ZNF385B: variants seen among roughly 807,000 people sequenced by gnomAD.
ZNF385B encodes zinc finger protein 533.
In ZNF385B, 23 loss-of-function variants were observed where a neutral mutation model predicts 39.2. The observed-to-expected ratio is 0.59, with a 90% CI of 0.42 to 0.83. The LOEUF is 0.83. Among genes scored for constraint, ZNF385B ranks in the 40% least tolerant of loss-of-function variants. The pLI is 0.00. For missense variants in ZNF385B, 552 were observed against 598.9 expected, an observed-to-expected ratio of 0.92 and a Z score of 0.82; for synonymous variants, 205 against 222.6, an observed-to-expected ratio of 0.92 and a Z score of 0.70.
rs116800093 is a variant in ZNF385B at position 179,766,245 on chromosome 2, C to T, written c.298+3258G>A. 3.4e-3 allele frequency among the ~76,000 whole-genome samples: 518 copies of T among 152,176 alleles called. 7 individuals carry two copies. The highest frequency in any genetic ancestry group is 0.012 in the African/African-American group (500 of 41,520). On this transcript the variant is annotated intron_variant, in intron 3 of 9. Coordinates refer to ENST00000410066, the MANE Select transcript of ZNF385B (RefSeq NM_152520.6). ...ATCACCCTGTGGACCCAATTCCCAT[C>T]GATGCCAACTCCAACACTACAAAAC...
At chr2:179,772,408 A>C (rs554244977) in intron 1 of ZNF385B, among the ~76,000 whole-genome samples, 3 of 152,166 alleles carry the variant, frequency 2.0e-5, no homozygotes, top group Non-Finnish European at 4.4e-5. Flanking sequence ...TGGGGTATGC[A>C]TTCTGTTCAC....
intron 1 of ZNF385B, among the ~76,000 whole-genome samples, chr2:179,823,553 G>A (rs549511409): frequency 3.0e-4 from 45 of 151,878 alleles, no homozygotes; most frequent in African/African-American, 9.7e-4. Context: ...GTATTACTTT[G>A]TTTCAGGATT....
At chr2:179,728,880 T>A (rs1173495427) in intron 3 of ZNF385B, among the ~76,000 whole-genome samples, 2 of 152,044 alleles carry the variant, frequency 1.3e-5, no homozygotes, top group African/African-American at 4.8e-5. Context: ...GTCAGGAAAC[T>A]ATTGAAAATT....
At chr2:179,461,159 T>G (rs918939815) in intron 6 of ZNF385B, among the ~76,000 whole-genome samples, 1 of 152,034 alleles carries the variant, frequency 6.6e-6, no homozygotes, top group South Asian at 2.1e-4. Context: ...GGTGGAGGAG[T>G]TGGAGGCACC....
At chr2:179,648,623 G>A (rs1227654370) in intron 3 of ZNF385B, among the ~76,000 whole-genome samples, 1 of 152,140 alleles carries the variant, frequency 6.6e-6, no homozygotes, top group Non-Finnish European at 1.5e-5. Flanking sequence ...ACTTCTTAGA[G>A]AAAGGCTGAC....
intron 3 of ZNF385B, among the ~76,000 whole-genome samples, chr2:179,612,229 A>G (rs1689348372): frequency 6.6e-6 from 1 of 152,066 alleles, no homozygotes; most frequent in South Asian, 2.1e-4. Context: ...TTGATGCCTT[A>G]TTTAGTTTGT....
intron 3 of ZNF385B, among the ~76,000 whole-genome samples, chr2:179,738,505 G>T (rs770252938): frequency 6.6e-6 from 1 of 152,034 alleles, no homozygotes; most frequent in Non-Finnish European, 1.5e-5. Context: ...ATCATATCAC[G>T]CTTTTGACTC....
At chr2:179,614,135 C>G (rs942518809) in intron 3 of ZNF385B, among the ~76,000 whole-genome samples, 3 of 152,212 alleles carry the variant, frequency 2.0e-5, no homozygotes, top group African/African-American at 7.2e-5. Flanking sequence ...CTTTCCTACC[C>G]TCTTCAGTGC....
chr2:179,621,089 A>C (rs1441806291), intron 3 of ZNF385B, among the ~76,000 whole-genome samples: 1 of 152,150 alleles, frequency 6.6e-6, no homozygotes, highest in Non-Finnish European at 1.5e-5. Flanking sequence ...ATACTTCATA[A>C]TATATCAGGG....
chr2:179,755,583 C>A (rs796130820), intron 3 of ZNF385B, among the ~76,000 whole-genome samples: 2 of 152,110 alleles, frequency 1.3e-5, no homozygotes, highest in South Asian at 4.1e-4. Context: ...CTTTGTAGGT[C>A]TCTAAGGACT....
intron 1 of ZNF385B, chr2:179,802,571 G>T (rs1415036369): frequency 6.6e-6 from 1 of 152,042 alleles, no homozygotes; most frequent in South Asian, 2.1e-4. Flanking sequence ...GATTTGCGTT[G>T]CTCTAGATGT....
chr2:179,745,465 T>C (rs978619579), intron 3 of ZNF385B, among the ~76,000 whole-genome samples: 5 of 152,160 alleles, frequency 3.3e-5, no homozygotes, highest in African/African-American at 9.7e-5. Context: ...AGTCACCTAC[T>C]GGTAAGATGT....
chr2:179,539,837 G>A (rs762030033), intron 4 of ZNF385B, among the ~76,000 whole-genome samples: 5 of 152,126 alleles, frequency 3.3e-5, no homozygotes, highest in African/African-American at 4.8e-5. Flanking sequence ...TCAGTTTGCT[G>A]ATGTTTCTTG....
At chr2:179,525,807 G>C (rs920212038) in intron 4 of ZNF385B, among the ~76,000 whole-genome samples, 2 of 152,172 alleles carry the variant, frequency 1.3e-5, no homozygotes, top group Admixed American at 1.3e-4. Flanking sequence ...AGTGATAGCT[G>C]TGTCGCTAAA....
At chr2:179,806,257 C>A (rs1204515497) in intron 1 of ZNF385B, among the ~76,000 whole-genome samples, 1 of 152,102 alleles carries the variant, frequency 6.6e-6, no homozygotes, top group East Asian at 1.9e-4. Context: ...AGATGATAAA[C>A]AAGCTATTTG....
At chr2:179,719,567 GC>G (rs1700550724) in intron 3 of ZNF385B, among the ~76,000 whole-genome samples, 1 of 152,168 alleles carries the variant, frequency 6.6e-6, no homozygotes, top group African/African-American at 2.4e-5. Context: ...GGGCTGCATT[GC>G]CCACTTGGTA....
chr2:179,641,727 T>G (rs1170164574), intron 3 of ZNF385B, among the ~76,000 whole-genome samples: 1 of 151,838 alleles, frequency 6.6e-6, no homozygotes, highest in Non-Finnish European at 1.5e-5. Flanking sequence ...AGCCAACTGG[T>G]CCCTGTAGGG....
At chr2:179,557,374 G>A (rs2105946161) in intron 3 of ZNF385B, among the ~76,000 whole-genome samples, 1 of 149,382 alleles carries the variant, frequency 6.7e-6, no homozygotes, top group Admixed American at 6.7e-5. Context: ...ATGATTAATG[G>A]GAGAAATTCA....
chr2:179,577,287 G>C (rs10497542), intron 3 of ZNF385B, among the ~76,000 whole-genome samples: 27,184 of 151,930 alleles, frequency 0.18, 2,534 homozygotes, highest in East Asian at 0.29. Flanking sequence ...TGAGATGCTA[G>C]AATAATATTT....
Sources: gnomAD v4.1 joint callset for allele counts (sites outside exome capture counted in the v4.1 genomes callset) on GRCh38, gnomAD v4.1.1 for gene constraint, MANE v1.5 for transcripts, NCBI Gene and HGNC (gene_info 2026-07-23, HGNC 2026-07-21) for gene names.